Variants in QTMAN observed in about 807,000 individuals in gnomAD.
The protein encoded by QTMAN is queuosine-tRNA mannosyltransferase.
At chr2:144,255,625 C>A in the QTMAN span, among the ~76,000 whole-genome samples, 46 of 152,260 alleles carry the variant, frequency 3.0e-4, 2 homozygotes, top group East Asian at 2.5e-3. Flanking sequence ...AAGATTGCAA[C>A]TACAAAACAT....
At chr2:144,200,585 C>T in the QTMAN span, among the ~76,000 whole-genome samples, 1,678 of 152,302 alleles carry the variant, frequency 0.011, 27 homozygotes, top group African/African-American at 0.037. Context: ...TGTTGGGCCG[C>T]ATTCAAAGCT....
At chr2:143,999,491 A>G in the QTMAN span, among the ~76,000 whole-genome samples, 1 of 151,974 alleles carries the variant, frequency 6.6e-6, no homozygotes, top group Non-Finnish European at 1.5e-5. Context: ...GGTGTGGAAA[A>G]AGGCTTAGTG....
chr2:144,220,284 A>G, the QTMAN span, among the ~76,000 whole-genome samples: 1 of 152,174 alleles, frequency 6.6e-6, no homozygotes, highest in South Asian at 2.1e-4. Context: ...AATCCTGAAG[A>G]TATTTAGGAT....
chr2:144,162,602 G>A, the QTMAN span, among the ~76,000 whole-genome samples: 1 of 152,142 alleles, frequency 6.6e-6, no homozygotes, highest in Non-Finnish European at 1.5e-5. Context: ...TTAGCTAAAG[G>A]TGGCAGTTGA....
chr2:144,122,756 C>T, the QTMAN span, among the ~76,000 whole-genome samples: 10 of 152,136 alleles, frequency 6.6e-5, no homozygotes, highest in Non-Finnish European at 1.2e-4. Flanking sequence ...TGGTCCTTAA[C>T]CTGGGAAGCT....
the QTMAN span, among the ~76,000 whole-genome samples, chr2:144,320,915 T>A: frequency 2.0e-5 from 3 of 152,200 alleles, no homozygotes; most frequent in Non-Finnish European, 4.4e-5. Context: ...TCATTTTACA[T>A]TGAAACTTCT....
At chr2:144,187,609 C>T in the QTMAN span, among the ~76,000 whole-genome samples, 3 of 152,160 alleles carry the variant, frequency 2.0e-5, no homozygotes, top group Non-Finnish European at 4.4e-5. Flanking sequence ...CTTACAGCGT[C>T]TTCTGGTTTC....
the QTMAN span, among the ~76,000 whole-genome samples, chr2:144,264,621 G>T: frequency 6.6e-6 from 1 of 152,198 alleles, no homozygotes; most frequent in Non-Finnish European, 1.5e-5. Flanking sequence ...CAGAAGCTAT[G>T]GGAAATACGG....
the QTMAN span, among the ~76,000 whole-genome samples, chr2:143,978,842 C>T: frequency 6.6e-6 from 1 of 152,202 alleles, no homozygotes; most frequent in Admixed American, 6.5e-5. Flanking sequence ...ACTGACTAAT[C>T]ATTTGGATTT....
At chr2:144,214,389 ACT>A in the QTMAN span, among the ~76,000 whole-genome samples, 1 of 152,154 alleles carries the variant, frequency 6.6e-6, no homozygotes, top group Admixed American at 6.6e-5. Context: ...CAGTCATAAA[ACT>A]CTATGCACTG....
At chr2:143,991,449 C>G in the QTMAN span, among the ~76,000 whole-genome samples, 17 of 146,684 alleles carry the variant, frequency 1.2e-4, no homozygotes, top group African/African-American at 3.3e-4. Flanking sequence ...GTCAGCCCCC[C>G]ACCCGGCCAG....
At chr2:143,988,774 G>A in the QTMAN span, among the ~76,000 whole-genome samples, 1 of 152,188 alleles carries the variant, frequency 6.6e-6, no homozygotes, top group Admixed American at 6.5e-5. Context: ...TATGGGCACT[G>A]GGGAGGCCAA....
chr2:143,942,066 A>T, the QTMAN span: 1 of 166,292 alleles, frequency 6.0e-6, no homozygotes, highest in Non-Finnish European at 1.5e-5. Flanking sequence ...TAGGGGTCAC[A>T]TCTTCTCGCA....
the QTMAN span, among the ~76,000 whole-genome samples, chr2:144,110,584 T>C: frequency 6.6e-6 from 1 of 151,392 alleles, no homozygotes; most frequent in Non-Finnish European, 1.5e-5. Context: ...AACTACATAA[T>C]AGGACTGTCC....
chr2:144,203,158 TG>T, the QTMAN span, among the ~76,000 whole-genome samples: 1 of 129,428 alleles, frequency 7.7e-6, no homozygotes, highest in Non-Finnish European at 1.5e-5. Flanking sequence ...AGAGTGTGTG[TG>T]TGTGTGTGTG....
chr2:144,315,736 G>C, the QTMAN span, among the ~76,000 whole-genome samples: 1 of 152,060 alleles, frequency 6.6e-6, no homozygotes, highest in Non-Finnish European at 1.5e-5. Context: ...TGATCTGTTT[G>C]CCTTTTTACT....
chr2:144,167,082 A>G, the QTMAN span, among the ~76,000 whole-genome samples: 1 of 152,206 alleles, frequency 6.6e-6, no homozygotes, highest in Non-Finnish European at 1.5e-5. Flanking sequence ...TTTGTGTTAA[A>G]GTAGGTCTCC....
the QTMAN span, among the ~76,000 whole-genome samples, chr2:144,214,495 T>A: frequency 1.3e-5 from 2 of 152,344 alleles, no homozygotes; most frequent in African/African-American, 4.8e-5. Context: ...TAACACTTGA[T>A]GGATACTGAT....
At chr2:144,279,919 T>C in the QTMAN span, among the ~76,000 whole-genome samples, 2 of 152,120 alleles carry the variant, frequency 1.3e-5, no homozygotes, top group African/African-American at 2.4e-5. Flanking sequence ...CACAATTATA[T>C]GCATTTGTTA....
Sources: allele counts gnomAD v4.1 joint callset (sites outside exome capture counted in the v4.1 genomes callset), GRCh38; gene constraint gnomAD v4.1.1; transcripts MANE v1.5; gene names NCBI Gene and HGNC (gene_info 2026-07-23, HGNC 2026-07-21).